FLVCR2: variants seen among roughly 807,000 people sequenced by gnomAD.
FLVCR2 encodes FLVCR choline and putative heme transporter 2.
Under a neutral mutation model 48.9 loss-of-function variants are expected in FLVCR2, and 38 were observed. The observed-to-expected ratio is 0.78, with a 90% CI of 0.60 to 1.02. The LOEUF (loss-of-function observed/expected upper bound fraction) is 1.02. FLVCR2 is among the 50% of genes least tolerant of loss of function. The pLI is 0.00. For missense variants in FLVCR2, 664 were observed against 663.3 expected (o/e 1.00, Z -0.01); for synonymous variants, 255 against 257.0 (o/e 0.99, Z 0.07).
At chr14:75,605,444 C>T in intron 1 of FLVCR2, 1 of 1,482,266 alleles carries the variant, frequency 6.7e-7, no homozygotes, top group Non-Finnish European at 9.0e-7. Flanking sequence ...CCTGTAAGCT[C>T]TGGTGGCCCA....
intron 9 of FLVCR2, among the ~76,000 whole-genome samples, chr14:75,642,925 A>C (rs1890335723): frequency 6.6e-6 from 1 of 152,170 alleles, no homozygotes; most frequent in Non-Finnish European, 1.5e-5. Flanking sequence ...GCAGTGGTAC[A>C]ATCTCAGCTC....
chr14:75,644,521 C>G (rs957233885), intron 9 of FLVCR2, among the ~76,000 whole-genome samples: 1 of 152,138 alleles, frequency 6.6e-6, no homozygotes. Flanking sequence ...CTGGAAATAG[C>G]GCTGAGTAGG....
At chr14:75,631,157 A>C (rs150179380) in intron 3 of FLVCR2, among the ~76,000 whole-genome samples, 56 of 152,344 alleles carry the variant, frequency 3.7e-4, no homozygotes, top group Admixed American at 9.2e-4. Flanking sequence ...ACAGATTGGC[A>C]GCCCTCCAGG....
chr14:75,606,182 C>A (rs184165032), intron 1 of FLVCR2, among the ~76,000 whole-genome samples: 1 of 152,220 alleles, frequency 6.6e-6, no homozygotes, highest in South Asian at 2.1e-4. Flanking sequence ...CATGCTACCA[C>A]GCCTGGCCAA....
At chr14:75,623,280 C>T (rs921816343) in intron 2 of FLVCR2, among the ~76,000 whole-genome samples, 1 of 152,174 alleles carries the variant, frequency 6.6e-6, no homozygotes, top group Non-Finnish European at 1.5e-5. Flanking sequence ...CCACACCTGG[C>T]CGGCCACTAC....
intron 1 of FLVCR2, among the ~76,000 whole-genome samples, chr14:75,586,471 G>GC (rs1334351523): frequency 2.6e-5 from 4 of 152,190 alleles, no homozygotes; most frequent in Admixed American, 2.6e-4. Context: ...GGATATGATG[G>GC]CTTAGCTTGG....
At chr14:75,642,160 G>A (rs1337718738) in intron 9 of FLVCR2, among the ~76,000 whole-genome samples, 1 of 152,218 alleles carries the variant, frequency 6.6e-6, no homozygotes, top group Non-Finnish European at 1.5e-5. Context: ...CATCCCCAGA[G>A]TGTGTCACCG....
chr14:75,641,925 T>G (rs759648892), intron 9 of FLVCR2, 27 bp downstream of exon 9: 1 of 1,609,074 alleles, frequency 6.2e-7, no homozygotes, highest in Non-Finnish European at 8.5e-7. Flanking sequence ...TTTGTGGGGC[T>G]GAGATCGGGG....
At chr14:75,626,534 C>T (rs547050635) in intron 3 of FLVCR2, among the ~76,000 whole-genome samples, 9 of 151,988 alleles carry the variant, frequency 5.9e-5, no homozygotes, top group Middle Eastern at 3.4e-3. Flanking sequence ...CTTGGTCCTC[C>T]GTTCCTCATT....
intron 9 of FLVCR2, among the ~76,000 whole-genome samples, chr14:75,642,536 A>G (rs1890326934): frequency 6.6e-6 from 1 of 152,234 alleles, no homozygotes; most frequent in Non-Finnish European, 1.5e-5. Flanking sequence ...ATCAAATCTG[A>G]GTGATGATGA....
At position 75,637,911 on chromosome 14, in the gene FLVCR2, A is replaced by T. The variant is rs1890208670; in HGVS notation, c.1125-1441A>T. 2.0e-5 allele frequency among the ~76,000 whole-genome samples: 3 copies of T among 152,102 alleles called. No individual in the cohort carries two copies. In the South Asian group the frequency reaches 6.2e-4, roughly 32 times the overall value. Reference sequence around the variant, plus strand: ...TGCATCAGAGTCCTAGGTGGGCAACATGGGAAGAGAACTGCTGGAGGGGCA... The same window carrying T: ...TGCATCAGAGTCCTAGGTGGGCAACTTGGGAAGAGAACTGCTGGAGGGGCA... On this transcript the variant is annotated intron_variant, in intron 5 of 9. Transcript: ENST00000238667.
intron 1 of FLVCR2, among the ~76,000 whole-genome samples, chr14:75,583,464 G>A (rs1280700063): frequency 3.3e-5 from 5 of 152,134 alleles, no homozygotes; most frequent in Non-Finnish European, 7.3e-5. Flanking sequence ...TAATGGGATA[G>A]TAATGGGCTC....
intron 5 of FLVCR2, among the ~76,000 whole-genome samples, chr14:75,637,534 G>A (rs1395232715): frequency 6.6e-6 from 1 of 152,012 alleles, no homozygotes; most frequent in African/African-American, 2.4e-5. Flanking sequence ...AGACCACCCT[G>A]GCTAACACAG....
chr14:75,607,370 A>C (rs2032922361), intron 1 of FLVCR2, among the ~76,000 whole-genome samples: 1 of 152,220 alleles, frequency 6.6e-6, no homozygotes, highest in African/African-American at 2.4e-5. Context: ...AATTTTTTTA[A>C]GAGTTTATTT....
intron 3 of FLVCR2, among the ~76,000 whole-genome samples, chr14:75,629,229 C>A (rs988480286): frequency 6.6e-6 from 1 of 152,120 alleles, no homozygotes; most frequent in African/African-American, 2.4e-5. Flanking sequence ...ACAACAAATA[C>A]TTTTAATATA....
At chr14:75,645,849 C>T (rs918913461) in intron 9 of FLVCR2, among the ~76,000 whole-genome samples, 6 of 139,992 alleles carry the variant, frequency 4.3e-5, no homozygotes, top group Non-Finnish European at 7.5e-5. Flanking sequence ...ACCTGGGAGG[C>T]GGAGTTTGCA....
At chr14:75,608,727 C>A (rs1231833426) in intron 1 of FLVCR2, among the ~76,000 whole-genome samples, 1 of 152,314 alleles carries the variant, frequency 6.6e-6, no homozygotes, top group East Asian at 1.9e-4. Context: ...TTCCGTTCGA[C>A]AAGCTTCTCT....
chr14:75,637,867 G>A (rs529625678), intron 5 of FLVCR2, among the ~76,000 whole-genome samples: 49 of 152,220 alleles, frequency 3.2e-4, no homozygotes, highest in South Asian at 1.7e-3. Context: ...AATGCAGGTC[G>A]AATTGCAGGA....
intron 3 of FLVCR2, among the ~76,000 whole-genome samples, chr14:75,628,902 C>T (rs1298142134): frequency 1.3e-5 from 2 of 152,218 alleles, no homozygotes; most frequent in African/African-American, 4.8e-5. Flanking sequence ...GCCAGTCTGC[C>T]ATTGCCAGAC....
Sources: allele counts gnomAD v4.1 joint callset (sites outside exome capture counted in the v4.1 genomes callset), GRCh38; gene constraint gnomAD v4.1.1; transcripts MANE v1.5; gene names NCBI Gene and HGNC (gene_info 2026-07-23, HGNC 2026-07-21).